CHIC1: variants seen among roughly 807,000 people sequenced by gnomAD.
CHIC1 encodes cysteine rich hydrophobic domain 1.
CHIC1 carries 7 observed loss-of-function variants against 18.5 expected under a neutral mutation model. That is an observed-to-expected ratio of 0.38 (90% CI 0.22 to 0.71). The LOEUF is 0.71. Among genes scored for constraint, CHIC1 ranks in the 30% least tolerant of loss-of-function variants. The pLI is 0.49. For missense variants in CHIC1, 159 were observed against 176.9 expected (o/e 0.90, Z 0.57); for synonymous variants, 77 against 73.5 (o/e 1.05, Z -0.25).
At position 73,681,657 on chromosome X, in the gene CHIC1, T is replaced by G. The variant is rs1403193549; in HGVS notation, c.*652T>G. On this transcript the variant is annotated 3_prime_UTR_variant, in exon 6 of 6. Transcript: ENST00000373502. ...GTATTGCCAACAATTTTACATAGAT[T>G]TTAATATGAATGAAGTTTGCAAGCA... 8.9e-6 allele frequency: 1 copy of G among 112,340 alleles called. No homozygotes were observed. Among genetic ancestry groups the G allele is most frequent in the Non-Finnish European group, 1.9e-5 (1 of 52,930 alleles). 9.3% of individuals were successfully genotyped at this position (112,340 alleles called of 1,213,427 possible).
At chrX:73,612,533 G>A (rs1214675553) in intron 3 of CHIC1, among the ~76,000 whole-genome samples, 2 of 111,567 alleles carry the variant, frequency 1.8e-5, no homozygotes, top group South Asian at 3.7e-4. Flanking sequence ...TTCAAGCAAT[G>A]TTTTTATTTC....
At chrX:73,650,044 C>T (rs964084304) in intron 3 of CHIC1, among the ~76,000 whole-genome samples, 8 of 112,196 alleles carry the variant, frequency 7.1e-5, no homozygotes, top group African/African-American at 2.6e-4. Flanking sequence ...ACTCAAAAAC[C>T]ACACAACTAC....
Position 73,563,279 on chromosome X carries a change from C to G in CHIC1, c.-6C>G. On this transcript the variant is annotated 5_prime_UTR_variant, in exon 1 of 6. Coordinates refer to ENST00000373502, the MANE Select transcript of CHIC1 (RefSeq NM_001039840.4). ...GGGAGCGTGGCGGCGATCGCGAGGTCACGTGATGAGCATCCTGCTGCCCAA... is the reference window on the plus strand; with the variant it reads ...GGGAGCGTGGCGGCGATCGCGAGGTGACGTGATGAGCATCCTGCTGCCCAA... 9.1e-7 allele frequency: 1 copy of G among 1,103,316 alleles called. No individual in the cohort carries two copies. Among genetic ancestry groups the G allele is most frequent in the Non-Finnish European group, 1.2e-6 (1 of 839,304 alleles). 90.9% of individuals were successfully genotyped at this position (1,103,316 alleles called of 1,213,427 possible).
chrX:73,673,911 G>C (rs968175888), intron 3 of CHIC1, among the ~76,000 whole-genome samples: 5 of 111,788 alleles, frequency 4.5e-5, no homozygotes, highest in Non-Finnish European at 9.4e-5. Flanking sequence ...TTACTGTTTT[G>C]AGATATGTCC....
intron 2 of CHIC1, among the ~76,000 whole-genome samples, chrX:73,578,369 A>G (rs1302577295): frequency 9.0e-6 from 1 of 110,821 alleles, no homozygotes; most frequent in Non-Finnish European, 1.9e-5. Flanking sequence ...GAGAAAAACC[A>G]TTATATTACA....
chrX:73,641,202 G>A (rs1338742910), intron 3 of CHIC1, among the ~76,000 whole-genome samples: 1 of 111,111 alleles, frequency 9.0e-6, no homozygotes, highest in Non-Finnish European at 1.9e-5. Context: ...TGTGGTCTGA[G>A]ATTGTGGTTG....
At chrX:73,675,860 T>C (rs1167187254) in intron 3 of CHIC1, among the ~76,000 whole-genome samples, 1 of 110,768 alleles carries the variant, frequency 9.0e-6, no homozygotes, top group African/African-American at 3.3e-5. Context: ...GTTTTTGCAG[T>C]GGCTGGTACC....
At position 73,563,363 on chromosome X, in the gene CHIC1, A is replaced by ACGTCGT. The variant is rs771438204; in HGVS notation, c.88_93dup (p.Ser30_Ser31dup). On this transcript the variant is annotated inframe_insertion, in exon 1 of 6. Transcript: ENST00000373502. ...GGAGGAGGAGGAAGAAGAAGCGGCAACGTCGTCGTCGTCGCCGTCGTCGTC... is the reference window on the plus strand; with the variant it reads ...GGAGGAGGAGGAAGAAGAAGCGGCAACGTCGTCGTCGTCGTCGTCGCCGTCGTCGTC... The ACGTCGT allele has an allele frequency of 1.7e-5, 20 of 1,151,813 alleles. No homozygotes were observed. In the Admixed American group the frequency reaches 3.0e-4, roughly 17 times the overall value. The allele number at this position is 1,151,813 out of a possible 1,213,427, so 94.9% of individuals were successfully genotyped here.
intron 2 of CHIC1, among the ~76,000 whole-genome samples, chrX:73,580,274 A>G (rs921970428): frequency 9.0e-6 from 1 of 110,909 alleles, no homozygotes; most frequent in Non-Finnish European, 1.9e-5. Flanking sequence ...AACCTAAATT[A>G]TCTGGATATG....
In CHIC1 at chrX:73,605,134, G is replaced by C. The variant is rs149124168; in HGVS notation, c.507+20562G>C. Among the ~76,000 whole-genome samples, 400 of 107,829 alleles carry C rather than the reference G, an allele frequency of 3.7e-3. 6 individuals carry two copies. Among genetic ancestry groups the C allele is most frequent in the Non-Finnish European group, 6.3e-3 (333 of 52,846 alleles). 93.6% of individuals were successfully genotyped at this position (107,829 alleles called of 115,157 possible). On this transcript the variant is annotated intron_variant, in intron 3 of 5. Coordinates refer to ENST00000373502, the MANE Select transcript of CHIC1 (RefSeq NM_001039840.4). Reference sequence around the variant, plus strand: ...TCCCACTATTATCGTGTAGGAGTCTGAGTCTCTTTATAGGTCTCTGAGAAC... The same window carrying C: ...TCCCACTATTATCGTGTAGGAGTCTCAGTCTCTTTATAGGTCTCTGAGAAC...
chrX:73,583,362 T>C (rs753130832), intron 2 of CHIC1, among the ~76,000 whole-genome samples: 100 of 111,418 alleles, frequency 9.0e-4, no homozygotes, highest in South Asian at 2.2e-3. Context: ...GAGACAAAAA[T>C]GTAATAAATT....
Position 73,658,248 on chromosome X carries a change from GTTTTTTTTTTTTTTT to G in CHIC1, c.508-21061_508-21047del, listed in dbSNP as rs869309622. Among the ~76,000 whole-genome samples the G allele has an allele frequency of 6.0e-4, 10 of 16,715 alleles. No homozygotes were observed. In the East Asian group the frequency reaches 0.019, roughly 31 times the overall value. 14.5% of individuals were successfully genotyped at this position (16,715 alleles called of 115,157 possible). On this transcript the variant is annotated intron_variant, in intron 3 of 5. Coordinates refer to ENST00000373502, the MANE Select transcript of CHIC1 (RefSeq NM_001039840.4). ...ATTCAGCTGTGAATCCTGGTCCTAG[GTTTTTTTTTTTTTTT>G]TTTTTTTTTTTTTTTTGGTTGGTAG...
chrX:73,663,480 A>C (rs1358589676), intron 3 of CHIC1, among the ~76,000 whole-genome samples: 1 of 110,180 alleles, frequency 9.1e-6, no homozygotes, highest in Admixed American at 9.7e-5. Context: ...GCATGATTAG[A>C]GGTTGTATAA....
intron 3 of CHIC1, among the ~76,000 whole-genome samples, chrX:73,604,542 G>A (rs1282045405): frequency 9.2e-6 from 1 of 108,180 alleles, no homozygotes; most frequent in Non-Finnish European, 1.9e-5. Flanking sequence ...CTTGCCTTCT[G>A]CTAGCTTTTG....
At position 73,676,552 on chromosome X, in the gene CHIC1, G is replaced by A. The variant is rs776920845; in HGVS notation, c.508-2774G>A. Among the ~76,000 whole-genome samples the A allele has an allele frequency of 3.6e-4, 40 of 111,615 alleles. 1 individual carries two copies. The highest frequency in any genetic ancestry group is 9.8e-4 in the African/African-American group (30 of 30,670). On this transcript the variant is annotated intron_variant, in intron 3 of 5. Coordinates refer to ENST00000373502, the MANE Select transcript of CHIC1 (RefSeq NM_001039840.4). Reference sequence around the variant, plus strand: ...CTAGTGAGGCTTCTGCATTCGTCACGTAGCTCTCGTGCCTTGGTTTTCAGC... The same window carrying A: ...CTAGTGAGGCTTCTGCATTCGTCACATAGCTCTCGTGCCTTGGTTTTCAGC...
rs151307344 is a variant in CHIC1, at chrX:73,648,211, C to A, written c.508-31115C>A. ...ACAAAAACCCCAAGGGACAGCAGCTCCAAAAATCAAAACTTAAACAAACTC... is the reference window on the plus strand; with the variant it reads ...ACAAAAACCCCAAGGGACAGCAGCTACAAAAATCAAAACTTAAACAAACTC... On this transcript the variant is annotated intron_variant, in intron 3 of 5. Coordinates refer to ENST00000373502, the MANE Select transcript of CHIC1 (RefSeq NM_001039840.4). Among the ~76,000 whole-genome samples the A allele has an allele frequency of 1.5e-3, 150 of 102,511 alleles. No homozygotes were observed. The East Asian group carries it at 0.06, about 41-fold the overall frequency. 89.0% of individuals were successfully genotyped at this position (102,511 alleles called of 115,157 possible). A position where few individuals can be genotyped will look rare whatever the true frequency, so the allele number is the denominator to read the frequency against.
Position 73,681,009 on chromosome X carries a change from GT to G in CHIC1, c.*8del, listed in dbSNP as rs1397238716. Reference sequence around the variant, plus strand: ...TCCCATATTCCGACCTGACTGAGGAGTTTTATCCAGTCACTTCTGTGTTACC... The same window carrying G: ...TCCCATATTCCGACCTGACTGAGGAGTTTATCCAGTCACTTCTGTGTTACC... On this transcript the variant is annotated 3_prime_UTR_variant, in exon 6 of 6. Transcript: ENST00000373502. The G allele has an allele frequency of 1.8e-6, 2 of 1,088,399 alleles. No individual in the cohort carries two copies. Among genetic ancestry groups the G allele is most frequent in the Non-Finnish European group, 2.5e-6 (2 of 806,979 alleles). The allele number at this position is 1,088,399 out of a possible 1,213,427, so 89.7% of individuals were successfully genotyped here.
At position 73,588,461 on chromosome X, in the gene CHIC1, C is replaced by A. The variant is rs145411987; in HGVS notation, c.507+3889C>A. On this transcript the variant is annotated intron_variant, in intron 3 of 5. Transcript: ENST00000373502. ...CACTTTAAAGTGGATAAAATTCAGTCGCATTAACTACATTGACAGTGTTAT... is the reference window on the plus strand; with the variant it reads ...CACTTTAAAGTGGATAAAATTCAGTAGCATTAACTACATTGACAGTGTTAT... 1.5e-3 allele frequency among the ~76,000 whole-genome samples: 162 copies of A among 111,328 alleles called. No individual in the cohort carries two copies. The East Asian group carries it at 0.025, about 17-fold the overall frequency.
intron 1 of CHIC1, among the ~76,000 whole-genome samples, chrX:73,575,547 A>T (rs1433032324): frequency 9.1e-6 from 1 of 110,304 alleles, no homozygotes; most frequent in African/African-American, 3.3e-5. Context: ...TGTACTGATT[A>T]CTATAGGCAA....
Sources: allele counts gnomAD v4.1 joint callset (sites outside exome capture counted in the v4.1 genomes callset), GRCh38; gene constraint gnomAD v4.1.1; transcripts MANE v1.5; gene names NCBI Gene and HGNC (gene_info 2026-07-23, HGNC 2026-07-21).